NGEF: variants seen among roughly 807,000 people sequenced by gnomAD.
NGEF encodes ephexin-1.
A neutral mutation model predicts 80.9 loss-of-function variants in NGEF; 31 were observed. The observed-to-expected ratio is 0.38, with a 90% CI of 0.29 to 0.52. The LOEUF is 0.52. Ranked by LOEUF, NGEF falls within the 20% of genes least tolerant of loss-of-function variation. The pLI, the probability that NGEF is intolerant of heterozygous loss-of-function variation, is 0.84. For synonymous variants in NGEF, 371 were observed against 370.2 expected (o/e 1.00, Z -0.03); for missense variants, 709 against 926.2 (o/e 0.77, Z 3.04).
intron 5 of NGEF, among the ~76,000 whole-genome samples, chr2:232,899,019 TGTG>T (rs1692183565): frequency 6.6e-6 from 1 of 151,744 alleles, no homozygotes; most frequent in East Asian, 1.9e-4. Context: ...TGTGTTAACA[TGTG>T]TGAGTGAATA....
chr2:232,990,670 G>C (rs1205021350), intron 1 of NGEF, among the ~76,000 whole-genome samples: 1 of 152,044 alleles, frequency 6.6e-6, no homozygotes, highest in Non-Finnish European at 1.5e-5. Flanking sequence ...CAGTGAAACA[G>C]AATGGCCAGC....
At chr2:232,913,852 A>G (rs977812619) in intron 5 of NGEF, among the ~76,000 whole-genome samples, 1 of 152,260 alleles carries the variant, frequency 6.6e-6, no homozygotes. Context: ...CCTGGGAGGC[A>G]GAGGTTGCAG....
intron 1 of NGEF, among the ~76,000 whole-genome samples, chr2:232,980,312 A>G (rs1694386856): frequency 6.6e-6 from 1 of 152,138 alleles, no homozygotes; most frequent in Non-Finnish European, 1.5e-5. Context: ...CTGCAGGCTC[A>G]GCTGTAGCAA....
intron 1 of NGEF, among the ~76,000 whole-genome samples, chr2:232,976,807 C>T (rs1461369917): frequency 6.6e-6 from 1 of 152,208 alleles, no homozygotes; most frequent in Non-Finnish European, 1.5e-5. Flanking sequence ...CCACCACGGT[C>T]GTCTGGGGGA....
intron 1 of NGEF, among the ~76,000 whole-genome samples, chr2:232,983,319 G>A (rs1278226316): frequency 2.0e-5 from 3 of 152,090 alleles, no homozygotes; most frequent in African/African-American, 4.8e-5. Context: ...CGTCGGCTTC[G>A]GGAGGTAGAG....
intron 3 of NGEF, among the ~76,000 whole-genome samples, chr2:232,930,899 A>G (rs1192877122): frequency 6.6e-6 from 1 of 152,064 alleles, no homozygotes; most frequent in Non-Finnish European, 1.5e-5. Context: ...TCCAGCATCA[A>G]CTCTAAAGTC....
In NGEF at chr2:232,910,650, G is replaced by C. The variant is rs531770819; in HGVS notation, c.828+9634C>G. Among the ~76,000 whole-genome samples the C allele has an allele frequency of 2.8e-4, 43 of 152,332 alleles. 1 individual carries two copies. The South Asian group carries it at 5.0e-3, about 18-fold the overall frequency. On this transcript the variant is annotated intron_variant, in intron 5 of 14. Transcript: ENST00000264051. ...TGGTAAGAAACCACTAGCTCTCAGA[G>C]TGGTGCACCATTTTGTGACCTCACC...
chr2:232,906,769 A>G (rs1383173098), intron 5 of NGEF, among the ~76,000 whole-genome samples: 7 of 151,550 alleles, frequency 4.6e-5, no homozygotes, highest in Admixed American at 3.3e-4. Flanking sequence ...AGATTGAGAA[A>G]TCGGATGGTT....
intron 10 of NGEF, chr2:232,885,026 C>T (rs772497055): frequency 1.8e-5 from 9 of 494,194 alleles, no homozygotes; most frequent in Middle Eastern, 5.6e-4. Flanking sequence ...CCACACCCTG[C>T]GTGGGTCTGG....
intron 3 of NGEF, among the ~76,000 whole-genome samples, chr2:232,930,092 C>T (rs1301260269): frequency 6.6e-6 from 1 of 152,158 alleles, no homozygotes; most frequent in Non-Finnish European, 1.5e-5. Context: ...TACCCAGTCT[C>T]AGGTATGTCT....
chr2:232,891,238 C>G, intron 8 of NGEF, 120 bp downstream of exon 8: 1 of 1,333,574 alleles, frequency 7.5e-7, no homozygotes, highest in South Asian at 1.3e-5. Flanking sequence ...GCTTGGCACA[C>G]ATGGGAGGAG....
At chr2:232,926,318 C>G (rs1693065789) in intron 4 of NGEF, among the ~76,000 whole-genome samples, 1 of 147,878 alleles carries the variant, frequency 6.8e-6, no homozygotes, top group Non-Finnish European at 1.5e-5. Context: ...GACATGAGAA[C>G]TAGCTTGATG....
intron 1 of NGEF, among the ~76,000 whole-genome samples, chr2:232,993,073 A>C (rs1694683202): frequency 1.0e-5 from 1 of 95,998 alleles, no homozygotes; most frequent in Non-Finnish European, 2.1e-5. Flanking sequence ...ATATGTGTGT[A>C]TCTATACGGG....
At chr2:232,907,174 G>GAAAAAAAAAAAAAAAAAAA (rs1559204407) in intron 5 of NGEF, among the ~76,000 whole-genome samples, 1 of 33,060 alleles carries the variant, frequency 3.0e-5, no homozygotes. Context: ...AAAAAAAAAA[G>GAAAAAAAAAAAAAAAAAAA]AAAAGAAAAA....
chr2:232,908,037 G>A (rs1692608931), intron 5 of NGEF, among the ~76,000 whole-genome samples: 1 of 152,076 alleles, frequency 6.6e-6, no homozygotes, highest in Non-Finnish European at 1.5e-5. Context: ...TCGAACCCAG[G>A]AGGTGGAGGC....
chr2:232,990,100 A>C (rs1293538045), intron 1 of NGEF, among the ~76,000 whole-genome samples: 1 of 152,208 alleles, frequency 6.6e-6, no homozygotes, highest in African/African-American at 2.4e-5. Flanking sequence ...ATAAGTTATC[A>C]GGAAGAAAGC....
At chr2:232,967,245 G>A (rs1397856355) in intron 3 of NGEF, among the ~76,000 whole-genome samples, 1 of 152,274 alleles carries the variant, frequency 6.6e-6, no homozygotes, top group Non-Finnish European at 1.5e-5. Flanking sequence ...ACCAGGATCG[G>A]AAGCTTCCTG....
chr2:232,883,043 C>A (rs2106212387), intron 12 of NGEF, among the ~76,000 whole-genome samples: 1 of 144,872 alleles, frequency 6.9e-6, no homozygotes, highest in Admixed American at 7.1e-5. Context: ...GAGTCTGAAG[C>A]CCCAAGGGAA....
At position 232,892,305 on chromosome 2, in the gene NGEF, G is replaced by A. The variant is rs770147460; in HGVS notation, c.1142+593C>T. The stretch of plus-strand genomic sequence containing the variant: ...GACGCCACAACTGGAAAACTCCCTG[G>A]GTGCTTCTGTGCGGAGCCAAGACGG... On this transcript the variant is annotated intron_variant, in intron 7 of 14. Coordinates refer to ENST00000264051, the MANE Select transcript of NGEF (RefSeq NM_019850.3). The surrounding 1 kb of genome is among the most constrained non-coding windows in gnomAD (Gnocchi z 4.0). Among the ~76,000 whole-genome samples the A allele has an allele frequency of 6.6e-6, 1 of 152,070 alleles. No individual in the cohort carries two copies. The highest frequency in any genetic ancestry group is 1.5e-5 in the Non-Finnish European group (1 of 68,018).
Sources: gnomAD v4.1 joint callset for allele counts (sites outside exome capture counted in the v4.1 genomes callset) on GRCh38, gnomAD v4.1.1 for gene constraint, Gnocchi (gnomAD v3.1) non-coding constraint, MANE v1.5 for transcripts, NCBI Gene and HGNC (gene_info 2026-07-23, HGNC 2026-07-21) for gene names.